RAD54B: variants seen among roughly 807,000 people sequenced by gnomAD.
RAD54B encodes RAD54 homolog B.
RAD54B carries 78 observed loss-of-function variants against 95.8 expected under a neutral mutation model. The ratio of observed to expected loss-of-function variants is 0.81; its 90% CI spans 0.68 to 0.98. The LOEUF (loss-of-function observed/expected upper bound fraction) is 0.98, where lower values mean the gene tolerates loss of function less well. RAD54B is among the 50% of genes least tolerant of loss of function. The probability of loss-of-function intolerance (pLI) is 0.00; values close to 1 mark genes in which losing one functional copy is unlikely to be tolerated. For missense variants in RAD54B, 957 were observed against 1,056.6 expected (o/e 0.91, Z 1.31); for synonymous variants, 328 against 354.9 (o/e 0.92, Z 0.85).
chr8:94,450,881 A>G (rs1164501264), intron 3 of RAD54B, among the ~76,000 whole-genome samples: 1 of 152,200 alleles, frequency 6.6e-6, no homozygotes, highest in East Asian at 1.9e-4. Context: ...TTAAACAGAA[A>G]TTAATAGGTA....
chr8:94,468,661 TA>T (rs889917129), intron 1 of RAD54B, among the ~76,000 whole-genome samples: 6 of 149,986 alleles, frequency 4.0e-5, no homozygotes, highest in African/African-American at 4.9e-5. Flanking sequence ...ACATCTCTAC[TA>T]AAAAAAAATA....
intron 12 of RAD54B, among the ~76,000 whole-genome samples, chr8:94,379,474 C>T (rs1810681799): frequency 2.0e-5 from 3 of 152,200 alleles, no homozygotes; most frequent in African/African-American, 7.2e-5. Context: ...GAAGCTTGTG[C>T]CTGGTCTCTC....
chr8:94,446,423 G>A (rs61410835), intron 3 of RAD54B, among the ~76,000 whole-genome samples: 13,441 of 152,140 alleles, frequency 0.088, 1,066 homozygotes, highest in African/African-American at 0.2. Context: ...TGAAGAGAAG[G>A]TAAACTGAGG....
chr8:94,429,404 A>C (rs1208024949), intron 3 of RAD54B: 1 of 870,056 alleles, frequency 1.1e-6, no homozygotes, highest in Non-Finnish European at 1.4e-6. Flanking sequence ...TTTTTTTAAC[A>C]CAGATCTCTT....
chr8:94,384,985 C>T, intron 11 of RAD54B, among the ~76,000 whole-genome samples: 1 of 152,076 alleles, frequency 6.6e-6, no homozygotes, highest in East Asian at 1.9e-4. Flanking sequence ...TTCCTGTAAT[C>T]CCAGCTACAT....
chr8:94,458,782 G>A (rs942590257), intron 2 of RAD54B, among the ~76,000 whole-genome samples: 3 of 151,908 alleles, frequency 2.0e-5, no homozygotes, highest in Non-Finnish European at 4.4e-5. Context: ...CAGGAGAATC[G>A]CTTGAACTCA....
At position 94,402,613 on chromosome 8, in the gene RAD54B, C is replaced by A. The variant is rs543910390; in HGVS notation, c.944+1464G>T. Among the ~76,000 whole-genome samples, 11 of 152,230 alleles carry A rather than the reference C, an allele frequency of 7.2e-5. 1 individual carries two copies. In the South Asian group the frequency reaches 2.3e-3, roughly 32 times the overall value. ...TCAAATTTTTTTAAAGGCTTGTCCA[C>A]TTGCCACCTCAAAATGGTCCCATAT... On this transcript the variant is annotated intron_variant, in intron 6 of 14. Coordinates refer to ENST00000336148, the MANE Select transcript of RAD54B (RefSeq NM_012415.3).
At chr8:94,384,653 T>C (rs1202294791) in intron 11 of RAD54B, among the ~76,000 whole-genome samples, 7 of 152,342 alleles carry the variant, frequency 4.6e-5, no homozygotes, top group Admixed American at 1.3e-4. Flanking sequence ...ATGGTTAAAA[T>C]GGTAACTCTA....
chr8:94,440,180 A>G (rs1812366168), intron 3 of RAD54B, among the ~76,000 whole-genome samples: 1 of 150,030 alleles, frequency 6.7e-6, no homozygotes, highest in Non-Finnish European at 1.5e-5. Flanking sequence ...CAGACCCCTT[A>G]GATAGGAATT....
rs529937256 is a variant in RAD54B, at chr8:94,382,921, C to T, written c.1986-2515G>A. Among the ~76,000 whole-genome samples, 237 of 152,304 alleles carry T rather than the reference C, an allele frequency of 1.6e-3. 1 individual carries two copies. The highest frequency in any genetic ancestry group is 2.4e-3 in the Non-Finnish European group (160 of 68,022). ...GTGGAACTGTGAGTCAATTAAACCT[C>T]TTTCCTTTATAAATTACCCAGTCTC... On this transcript the variant is annotated intron_variant, in intron 11 of 14. Coordinates refer to ENST00000336148, the MANE Select transcript of RAD54B (RefSeq NM_012415.3).
At chr8:94,378,526 A>T in intron 13 of RAD54B, 42 bp downstream of exon 13, 1 of 1,520,892 alleles carries the variant, frequency 6.6e-7, no homozygotes, top group Non-Finnish European at 9.0e-7. Context: ...AATTTTAATT[A>T]TTCAAAGAGT....
intron 5 of RAD54B, among the ~76,000 whole-genome samples, chr8:94,406,965 C>T (rs1811404379): frequency 6.6e-6 from 1 of 152,044 alleles, no homozygotes; most frequent in African/African-American, 2.4e-5. Context: ...TGAAAATTAA[C>T]TGATTGAATG....
At chr8:94,437,261 T>G (rs139560803) in intron 3 of RAD54B, among the ~76,000 whole-genome samples, 1 of 152,238 alleles carries the variant, frequency 6.6e-6, no homozygotes, top group Non-Finnish European at 1.5e-5. Context: ...CTGAACTGCA[T>G]TGCAGTATCA....
intron 3 of RAD54B, among the ~76,000 whole-genome samples, chr8:94,442,956 T>C (rs754855803): frequency 6.6e-6 from 1 of 152,150 alleles, no homozygotes; most frequent in Non-Finnish European, 1.5e-5. Context: ...AAATTTCTCA[T>C]AAGAAAATCC....
chr8:94,425,233 T>A (rs950609892), intron 3 of RAD54B, among the ~76,000 whole-genome samples: 1 of 143,186 alleles, frequency 7.0e-6, no homozygotes, highest in Non-Finnish European at 1.5e-5. Flanking sequence ...AATATTCTTT[T>A]TTTTTTTTTT....
chr8:94,397,991 C>T (rs1811186947), intron 8 of RAD54B, among the ~76,000 whole-genome samples: 1 of 152,052 alleles, frequency 6.6e-6, no homozygotes, highest in African/African-American at 2.4e-5. Context: ...ATCCACTCAG[C>T]TTCTCAAACA....
At position 94,433,664 on chromosome 8, in the gene RAD54B, G is replaced by A. The variant is rs544523361; in HGVS notation, c.305-22349C>T. ...TTATAAACATAATTTTATGTATAAC[G>A]TGAAGCTGTGAATTAAGAATATCTG... On this transcript the variant is annotated intron_variant, in intron 3 of 14. Transcript: ENST00000336148. 1.2e-4 allele frequency among the ~76,000 whole-genome samples: 18 copies of A among 151,664 alleles called. 1 individual carries two copies. Among genetic ancestry groups the A allele is most frequent in the South Asian group, 1.0e-3 (5 of 4,820 alleles).
chr8:94,434,697 A>G (rs534002514), intron 3 of RAD54B, among the ~76,000 whole-genome samples: 1 of 151,716 alleles, frequency 6.6e-6, no homozygotes, highest in East Asian at 1.9e-4. Flanking sequence ...AAGCACATTA[A>G]ATATATATAT....
chr8:94,458,433 C>T lies in RAD54B; in HGVS notation c.139G>A (p.Val47Ile). 5 of 1,578,870 alleles carry T rather than the reference C, an allele frequency of 3.2e-6. No individual in the cohort carries two copies. The highest frequency in any genetic ancestry group is 4.3e-6 in the Non-Finnish European group (5 of 1,166,574). The change falls in exon 3 of 15, where the codon GTT (valine) becomes ATT (isoleucine). Residue 47 changes from valine (V) to isoleucine (I), a missense_variant. Transcript: ENST00000336148. Reference sequence around the variant, plus strand: ...GGGAGAAAGGTGTTATTAATTGCAACACCCTAAAAGAAACAAATATATATT... The same window carrying T: ...GGGAGAAAGGTGTTATTAATTGCAATACCCTAAAAGAAACAAATATATATT... ...LNPDIKLFEG[V>I]AINNTFLPSQ... is the part of the protein sequence containing the mutation.
Sources: allele counts gnomAD v4.1 joint callset (sites outside exome capture counted in the v4.1 genomes callset), GRCh38; gene constraint gnomAD v4.1.1; transcripts MANE v1.5; gene names NCBI Gene and HGNC (gene_info 2026-07-23, HGNC 2026-07-21).